The following ATXN8OS variants were observed in gnomAD, a reference collection of about 807,000 sequenced individuals.
ATXN8OS encodes ATXN8 opposite strand (non-protein coding).
intron 3 of ATXN8OS, chr13:70,130,632 A>G (rs1593763565): frequency 5.0e-6 from 2 of 398,268 alleles, no homozygotes; most frequent in South Asian, 1.3e-4. Flanking sequence ...CAGAGCAACA[A>G]AAATGTCTAG....
chr13:70,167,723 CT>C (rs4053603), intron 4 of ATXN8OS, among the ~76,000 whole-genome samples: 11 of 61,894 alleles, frequency 1.8e-4, no homozygotes, highest in African/African-American at 3.9e-4. Flanking sequence ...TATGTAACTT[CT>C]TTTTTTTTTT....
intron 3 of ATXN8OS, among the ~76,000 whole-genome samples, chr13:70,130,378 G>A (rs988829558): frequency 6.6e-6 from 1 of 152,080 alleles, no homozygotes; most frequent in East Asian, 1.9e-4. Context: ...TTCACGTTTT[G>A]TAGAAATGAG....
intron 4 of ATXN8OS, among the ~76,000 whole-genome samples, chr13:70,167,519 G>C (rs113139562): frequency 6.6e-6 from 1 of 151,806 alleles, no homozygotes; most frequent in African/African-American, 2.4e-5. Flanking sequence ...GTGGTGTGGG[G>C]GGAGGGAGGA....
chr13:70,160,345 T>C (rs1888992673), intron 4 of ATXN8OS, among the ~76,000 whole-genome samples: 1 of 152,094 alleles, frequency 6.6e-6, no homozygotes. Context: ...GAATCTAATA[T>C]ACGAGTGGCT....
chr13:70,152,261 C>T (rs1888876978), intron 4 of ATXN8OS, among the ~76,000 whole-genome samples: 1 of 151,998 alleles, frequency 6.6e-6, no homozygotes, highest in Non-Finnish European at 1.5e-5. Context: ...ACTCTCTGAG[C>T]TTCCCATCTA....
At chr13:70,111,515 G>T (rs1872711284) in intron 1 of ATXN8OS, among the ~76,000 whole-genome samples, 1 of 152,060 alleles carries the variant, frequency 6.6e-6, no homozygotes, top group Non-Finnish European at 1.5e-5. Context: ...CCACTTCCAT[G>T]ATAACCCATT....
chr13:70,129,805 T>C (rs1455673726), exon 3 of ATXN8OS: 1 of 398,436 alleles, frequency 2.5e-6, no homozygotes, highest in Admixed American at 4.4e-5. Context: ...ACCCCATCAA[T>C]GACAAAAATC....
intron 3 of ATXN8OS, among the ~76,000 whole-genome samples, chr13:70,132,286 C>T (rs1033517383): frequency 7.0e-6 from 1 of 143,246 alleles, no homozygotes; most frequent in African/African-American, 2.6e-5. Context: ...TACTACACAG[C>T]CATAAAAAAA....
At chr13:70,153,855 C>A (rs959951100) in intron 4 of ATXN8OS, among the ~76,000 whole-genome samples, 2 of 151,676 alleles carry the variant, frequency 1.3e-5, no homozygotes, top group Non-Finnish European at 2.9e-5. Flanking sequence ...AATTTTTTTT[C>A]TTTCTATTTT....
chr13:70,147,154 A>G (rs1345687268), intron 3 of ATXN8OS, among the ~76,000 whole-genome samples: 1 of 152,184 alleles, frequency 6.6e-6, no homozygotes, highest in Non-Finnish European at 1.5e-5. Context: ...AAGACAATGA[A>G]TTATATAAAG....
intron 3 of ATXN8OS, chr13:70,131,229 T>C: frequency 5.6e-6 from 2 of 354,232 alleles, no homozygotes; most frequent in East Asian, 3.8e-5. Flanking sequence ...ACATCCTAAA[T>C]ATTTGTACAA....
chr13:70,170,541 C>T (rs1889132874), exon 5 of ATXN8OS, among the ~76,000 whole-genome samples: 1 of 152,066 alleles, frequency 6.6e-6, no homozygotes, highest in South Asian at 2.1e-4. Flanking sequence ...CAAAGTTTTA[C>T]ATTGGCTTTT....
At chr13:70,126,256 A>G (rs1888433199) in intron 2 of ATXN8OS, among the ~76,000 whole-genome samples, 1 of 152,176 alleles carries the variant, frequency 6.6e-6, no homozygotes, top group South Asian at 2.1e-4. Flanking sequence ...ATAGATATGT[A>G]TACATAAATA....
intron 2 of ATXN8OS, among the ~76,000 whole-genome samples, chr13:70,116,609 A>T (rs563693230): frequency 6.6e-6 from 1 of 152,284 alleles, no homozygotes; most frequent in African/African-American, 2.4e-5. Context: ...AAGCCAGTGC[A>T]CAAATATTAG....
chr13:70,139,298 T>C, intron 3 of ATXN8OS: 1 of 539,602 alleles, frequency 1.9e-6, no homozygotes, highest in Non-Finnish European at 3.3e-6. Flanking sequence ...GCTGAAGCCC[T>C]ATTCCCAATT....
At chr13:70,171,616 T>C (rs1889144966) in exon 5 of ATXN8OS, among the ~76,000 whole-genome samples, 1 of 152,136 alleles carries the variant, frequency 6.6e-6, no homozygotes, top group Non-Finnish European at 1.5e-5. Context: ...CCCTGGTATA[T>C]GCAGTTTGTA....
chr13:70,120,113 T>C (rs572928441), intron 2 of ATXN8OS, among the ~76,000 whole-genome samples: 2 of 152,272 alleles, frequency 1.3e-5, no homozygotes, highest in East Asian at 3.9e-4. Flanking sequence ...CTCCACATAT[T>C]TGCAATTTTT....
chr13:70,145,326 T>C (rs1161205760), intron 3 of ATXN8OS, among the ~76,000 whole-genome samples: 5 of 151,898 alleles, frequency 3.3e-5, no homozygotes, highest in Admixed American at 6.6e-5. Flanking sequence ...ATTGACTTGG[T>C]GATACGGGCT....
chr13:70,136,195 C>A (rs912641662), intron 3 of ATXN8OS, among the ~76,000 whole-genome samples: 3 of 152,164 alleles, frequency 2.0e-5, no homozygotes, highest in African/African-American at 4.8e-5. Flanking sequence ...TGGTAGAAAT[C>A]TGGCTATTTG....
Sources: allele counts gnomAD v4.1 joint callset (sites outside exome capture counted in the v4.1 genomes callset), GRCh38; gene constraint gnomAD v4.1.1; transcripts MANE v1.5; gene names NCBI Gene and HGNC (gene_info 2026-07-23, HGNC 2026-07-21).